The following TRIM9 variants were observed in gnomAD, a reference collection of about 807,000 sequenced individuals.
The protein encoded by TRIM9 is tripartite motif containing 9, also known as E3 ubiquitin-protein ligase TRIM9.
TRIM9 carries 26 observed loss-of-function variants against 78.3 expected under a neutral mutation model. That is an observed-to-expected ratio of 0.33 (90% CI 0.24 to 0.46). TRIM9 has a LOEUF of 0.46. Ranked by LOEUF, TRIM9 falls within the 20% of genes least tolerant of loss-of-function variation. The pLI is 1.00. For synonymous variants in TRIM9, 398 were observed against 416.5 expected (o/e 0.96, Z 0.54); for missense variants, 787 against 1,036.4 (o/e 0.76, Z 3.30).
chr14:51,080,911 C>T (rs1020229594), intron 1 of TRIM9, among the ~76,000 whole-genome samples: 3 of 152,176 alleles, frequency 2.0e-5, no homozygotes, highest in East Asian at 1.9e-4. Flanking sequence ...TCCTGTTTGT[C>T]AAAGCCAATC....
intron 1 of TRIM9, among the ~76,000 whole-genome samples, chr14:51,069,993 T>C (rs1420065500): frequency 5.9e-5 from 9 of 152,250 alleles, no homozygotes; most frequent in Admixed American, 5.9e-4. Context: ...AGTTGTCCAA[T>C]GTGTAACTTC....
intron 1 of TRIM9, among the ~76,000 whole-genome samples, chr14:51,036,297 T>C (rs2059147448): frequency 6.6e-6 from 1 of 152,230 alleles, no homozygotes; most frequent in African/African-American, 2.4e-5. Flanking sequence ...AATAAGAATT[T>C]GTTTTTGTTT....
At chr14:51,070,837 C>T (rs2062158656) in intron 1 of TRIM9, among the ~76,000 whole-genome samples, 2 of 152,156 alleles carry the variant, frequency 1.3e-5, no homozygotes, top group Admixed American at 6.5e-5. Flanking sequence ...CAAATATGCA[C>T]ATCTTGCTTG....
At chr14:51,093,641 A>G (rs2064634649) in intron 1 of TRIM9, among the ~76,000 whole-genome samples, 1 of 152,138 alleles carries the variant, frequency 6.6e-6, no homozygotes, top group Non-Finnish European at 1.5e-5. Flanking sequence ...GTGCCTCACC[A>G]GGTCCGCCTA....
At chr14:51,051,232 A>G (rs78659417) in intron 1 of TRIM9, among the ~76,000 whole-genome samples, 7,838 of 152,312 alleles carry the variant, frequency 0.051, 272 homozygotes, top group African/African-American at 0.097. Context: ...AAAATTTCCT[A>G]TATCTTTTGT....
At chr14:51,065,405 G>T (rs957660165) in intron 1 of TRIM9, among the ~76,000 whole-genome samples, 3 of 152,170 alleles carry the variant, frequency 2.0e-5, no homozygotes, top group African/African-American at 7.2e-5. Context: ...GATGGATAAT[G>T]GATGCTTAAG....
rs186735909 is a variant in TRIM9, at chr14:50,976,465, C to A, written c.*826G>T. 4 of 152,212 alleles carry A rather than the reference C, an allele frequency of 2.6e-5. No homozygotes were observed. The highest frequency in any genetic ancestry group is 9.7e-5 in the African/African-American group (4 of 41,426). 9.4% of individuals were successfully genotyped at this position (152,212 alleles called of 1,614,324 possible). A position where few individuals can be genotyped will look rare whatever the true frequency, so the allele number is the denominator to read the frequency against. On this transcript the variant is annotated 3_prime_UTR_variant, in exon 13 of 13. Coordinates refer to ENST00000684578, the MANE Select transcript of TRIM9 (RefSeq NM_001387360.1). ...GCAGAGACCATGCCTGTCTGTTCAC[C>A]ACTGTGTCCCCACAGTGTCTAGAAC...
At chr14:51,044,335 T>A (rs1020975445) in intron 1 of TRIM9, among the ~76,000 whole-genome samples, 6 of 152,172 alleles carry the variant, frequency 3.9e-5, no homozygotes, top group Non-Finnish European at 1.5e-5. Context: ...TCTTCTTCCA[T>A]CCTAACCCAT....
rs116750664 is a variant in TRIM9, at chr14:51,024,223, G to A, written c.918+1042C>T. On this transcript the variant is annotated intron_variant, in intron 2 of 12. Transcript: ENST00000684578. ...AAGAAAGCTTTGCTCTGATGAAGAG[G>A]CCCGGGCAGAGGCAAGCCTGGGGCT... is the stretch of plus-strand genomic sequence containing the variant. 7.5e-3 allele frequency among the ~76,000 whole-genome samples: 1,135 copies of A among 152,260 alleles called. 18 individuals are homozygous for A. The highest frequency in any genetic ancestry group is 0.026 in the African/African-American group (1,090 of 41,542).
chr14:51,000,057 A>AAACTAT (rs2054755249), intron 6 of TRIM9, among the ~76,000 whole-genome samples: 1 of 152,208 alleles, frequency 6.6e-6, no homozygotes, highest in African/African-American at 2.4e-5. Context: ...GCCCAGAACA[A>AAACTAT]AACTATAGAA....
intron 11 of TRIM9, 89 bp from the exon 12 acceptor site, chr14:50,979,638 AC>A (rs1458122611): frequency 2.7e-6 from 3 of 1,121,310 alleles, no homozygotes; most frequent in Non-Finnish European, 3.9e-6. Flanking sequence ...GTGTCTTGCA[AC>A]CTGTTTATAA....
rs142834038 is a variant in TRIM9, at chr14:50,982,860, T to C, written c.1858+82A>G. 1,290 of 1,303,314 alleles carry C rather than the reference T, an allele frequency of 9.9e-4. 11 individuals carry two copies. The highest frequency in any genetic ancestry group is 6.0e-3 in the African/African-American group (410 of 68,514). The allele number at this position is 1,303,314 out of a possible 1,614,324, so 80.7% of individuals were successfully genotyped here. On this transcript the variant is annotated intron_variant, in intron 10 of 12. Coordinates refer to ENST00000684578, the MANE Select transcript of TRIM9 (RefSeq NM_001387360.1). ...TAAATATCACACTCGAGAGATGTAA[T>C]TGCTGATTTATTAAACCTGTGAGAC...
At chr14:50,994,767 C>T (rs2053980932) in intron 7 of TRIM9, among the ~76,000 whole-genome samples, 1 of 152,184 alleles carries the variant, frequency 6.6e-6, no homozygotes, top group African/African-American at 2.4e-5. Context: ...ACTGGCACAG[C>T]CATGATGGCT....
intron 3 of TRIM9, among the ~76,000 whole-genome samples, chr14:51,013,346 A>G (rs1953880): frequency 0.35 from 52,511 of 151,734 alleles, 9,632 homozygotes; most frequent in South Asian, 0.58. Flanking sequence ...GCAAGTATGT[A>G]AGAGTTTATT....
At chr14:51,006,866 T>C (rs1436795898) in intron 5 of TRIM9, among the ~76,000 whole-genome samples, 1 of 152,182 alleles carries the variant, frequency 6.6e-6, no homozygotes, top group Admixed American at 6.5e-5. Context: ...TCCCTCTTAC[T>C]TTTGTGCGCA....
At chr14:51,001,071 T>C (rs1226115001) in intron 5 of TRIM9, among the ~76,000 whole-genome samples, 3 of 152,094 alleles carry the variant, frequency 2.0e-5, no homozygotes, top group Non-Finnish European at 4.4e-5. Context: ...ATTGTGGCTG[T>C]TGGAGGGGAG....
intron 1 of TRIM9, among the ~76,000 whole-genome samples, chr14:51,072,540 T>C (rs1295420194): frequency 6.6e-6 from 1 of 152,212 alleles, no homozygotes; most frequent in Non-Finnish European, 1.5e-5. Flanking sequence ...ACAAGTTTTT[T>C]TCTATTGAGA....
At chr14:51,092,099 T>C (rs898650108) in intron 1 of TRIM9, among the ~76,000 whole-genome samples, 1 of 152,208 alleles carries the variant, frequency 6.6e-6, no homozygotes, top group Admixed American at 6.5e-5. Context: ...TGTAGGGCAA[T>C]TCAACATGGA....
At position 50,990,191 on chromosome 14, in the gene TRIM9, T is replaced by A. The variant is rs538282681; in HGVS notation, c.1604-4047A>T. ...TACCACTGCACCTGGCCAATTTTAA[T>A]TTTTTCTGTAGAGACAAGGTCTTTT... On this transcript the variant is annotated intron_variant, in intron 7 of 12. Transcript: ENST00000684578. 3.8e-4 allele frequency among the ~76,000 whole-genome samples: 58 copies of A among 152,198 alleles called. No individual in the cohort carries two copies. In the Middle Eastern group the frequency reaches 0.01, roughly 27 times the overall value.
Sources: allele counts gnomAD v4.1 joint callset (sites outside exome capture counted in the v4.1 genomes callset), GRCh38; gene constraint gnomAD v4.1.1; transcripts MANE v1.5; gene names NCBI Gene and HGNC (gene_info 2026-07-23, HGNC 2026-07-21).